The following ITPR2 variants were observed in gnomAD, a reference collection of about 807,000 sequenced individuals.
ITPR2 encodes inositol 1,4,5-trisphosphate-gated calcium channel ITPR2.
ITPR2 carries 207 observed loss-of-function variants against 317.1 expected under a neutral mutation model. The ratio of observed to expected loss-of-function variants is 0.65; its 90% CI spans 0.58 to 0.73. The LOEUF is 0.73. Among genes scored for constraint, ITPR2 ranks in the 30% least tolerant of loss-of-function variants. ITPR2 has a pLI of 0.00. For synonymous variants in ITPR2, 1,156 were observed against 1,149.1 expected (o/e 1.01, Z -0.12); for missense variants, 2,613 against 3,284.0 (o/e 0.80, Z 4.99).
At chr12:26,438,813 G>A (rs751641135) in intron 47 of ITPR2, among the ~76,000 whole-genome samples, 2 of 152,120 alleles carry the variant, frequency 1.3e-5, no homozygotes, top group Admixed American at 1.3e-4. Flanking sequence ...GCCCATTCAC[G>A]GACTTCAAAC....
At chr12:26,591,534 A>C (rs1945704503) in intron 32 of ITPR2, among the ~76,000 whole-genome samples, 1 of 152,158 alleles carries the variant, frequency 6.6e-6, no homozygotes, top group African/African-American at 2.4e-5. Context: ...GAGTTTCCTC[A>C]AAAAACTAAA....
chr12:26,788,709 C>T (rs1260991786), intron 2 of ITPR2, among the ~76,000 whole-genome samples: 10 of 152,186 alleles, frequency 6.6e-5, no homozygotes. Flanking sequence ...GGGACCTTCT[C>T]AGCCTGTCCT....
chr12:26,801,457 T>C (rs188194600), intron 1 of ITPR2, among the ~76,000 whole-genome samples: 2 of 152,324 alleles, frequency 1.3e-5, no homozygotes, highest in Admixed American at 1.3e-4. Flanking sequence ...AGATATGATA[T>C]GATTGGCATT....
chr12:26,590,621 C>G (rs1945674551), intron 32 of ITPR2, among the ~76,000 whole-genome samples: 1 of 152,122 alleles, frequency 6.6e-6, no homozygotes, highest in Non-Finnish European at 1.5e-5. Flanking sequence ...AAAATCAAAT[C>G]AAAATGGATT....
intron 11 of ITPR2, 63 bp downstream of exon 11, chr12:26,686,418 T>C: frequency 9.3e-7 from 1 of 1,078,736 alleles, no homozygotes; most frequent in Non-Finnish European, 1.3e-6. Flanking sequence ...TATTATTATT[T>C]TCATTCCTCA....
At position 26,599,403 on chromosome 12, in the gene ITPR2, G is replaced by A. The variant is rs1591947088; in HGVS notation, c.3802-58C>T. 1.3e-5 allele frequency: 19 copies of A among 1,443,086 alleles called. No homozygotes were observed. The East Asian group carries it at 3.9e-4, about 29-fold the overall frequency. 89.4% of individuals were successfully genotyped at this position (1,443,086 alleles called of 1,614,324 possible). Reference sequence around the variant, plus strand: ...GACAAGATCAATTTTCTATTCTACAGTACTTAGACTAATTGCCCTGCTTGT... The same window carrying A: ...GACAAGATCAATTTTCTATTCTACAATACTTAGACTAATTGCCCTGCTTGT... On this transcript the variant is annotated intron_variant, in intron 29 of 56. Transcript: ENST00000381340.
At chr12:26,722,335 A>C in intron 5 of ITPR2, 62 bp downstream of exon 5, 1 of 1,408,328 alleles carries the variant, frequency 7.1e-7, no homozygotes, top group Non-Finnish European at 9.7e-7. Context: ...GGATTATCTT[A>C]CTTATTAGGA....
At chr12:26,576,156 T>G (rs887992392) in intron 34 of ITPR2, among the ~76,000 whole-genome samples, 1 of 152,226 alleles carries the variant, frequency 6.6e-6, no homozygotes, top group Non-Finnish European at 1.5e-5. Flanking sequence ...GGTTAGTGTG[T>G]TTCCTAACCG....
At chr12:26,366,321 T>C (rs1368261921) in intron 55 of ITPR2, among the ~76,000 whole-genome samples, 2 of 152,268 alleles carry the variant, frequency 1.3e-5, no homozygotes, top group Non-Finnish European at 2.9e-5. Context: ...TTACAAAACC[T>C]TTGCCAACAA....
intron 9 of ITPR2, among the ~76,000 whole-genome samples, chr12:26,710,259 G>A (rs1409846379): frequency 1.3e-5 from 2 of 152,160 alleles, no homozygotes; most frequent in African/African-American, 4.8e-5. Flanking sequence ...CACTTACCCT[G>A]TGCTTACCAT....
At chr12:26,739,981 A>G (rs1405678336) in intron 2 of ITPR2, among the ~76,000 whole-genome samples, 3 of 152,226 alleles carry the variant, frequency 2.0e-5, no homozygotes, top group African/African-American at 4.8e-5. Flanking sequence ...GAAGAGGAAC[A>G]CTGGGTTGAC....
At chr12:26,643,317 G>T (rs1046200890) in intron 21 of ITPR2, among the ~76,000 whole-genome samples, 1 of 152,172 alleles carries the variant, frequency 6.6e-6, no homozygotes, top group Non-Finnish European at 1.5e-5. Flanking sequence ...ATTGTCTTAC[G>T]AAGAAGTGGG....
At chr12:26,766,476 T>C (rs1375123295) in intron 2 of ITPR2, among the ~76,000 whole-genome samples, 1 of 152,324 alleles carries the variant, frequency 6.6e-6, no homozygotes, top group South Asian at 2.1e-4. Flanking sequence ...GTTGTCTTTT[T>C]ATTATCGATT....
intron 34 of ITPR2, among the ~76,000 whole-genome samples, chr12:26,569,871 ACAGAGGGCAGCATCCGT>A (rs1400013783): frequency 6.6e-6 from 1 of 152,252 alleles, no homozygotes; most frequent in Non-Finnish European, 1.5e-5. Context: ...AACAATCTCT[ACAGAGGGCAGCATCCGT>A]CAGAAGTGAA....
intron 1 of ITPR2, among the ~76,000 whole-genome samples, chr12:26,832,422 G>C (rs1166991873): frequency 1.3e-5 from 2 of 152,268 alleles, no homozygotes; most frequent in African/African-American, 4.8e-5. Flanking sequence ...CGCCGGGCCC[G>C]TCTCCGGGCT....
intron 34 of ITPR2, among the ~76,000 whole-genome samples, chr12:26,570,708 T>C (rs1945136811): frequency 6.6e-6 from 1 of 152,226 alleles, no homozygotes; most frequent in Non-Finnish European, 1.5e-5. Context: ...TGGAACAAAA[T>C]TCTTTTTTAA....
At chr12:26,823,376 A>G (rs1950967261) in intron 1 of ITPR2, among the ~76,000 whole-genome samples, 1 of 152,214 alleles carries the variant, frequency 6.6e-6, no homozygotes, top group Non-Finnish European at 1.5e-5. Flanking sequence ...AAAGTGTCAA[A>G]TGCCTTGATG....
intron 41 of ITPR2, among the ~76,000 whole-genome samples, chr12:26,484,177 A>C (rs899072326): frequency 8.6e-5 from 13 of 151,126 alleles, no homozygotes; most frequent in Non-Finnish European, 1.9e-4. Flanking sequence ...ATATATGTGT[A>C]TATATATATC....
chr12:26,345,503 TTC>T (rs1938276871), intron 55 of ITPR2, among the ~76,000 whole-genome samples: 1 of 152,210 alleles, frequency 6.6e-6, no homozygotes, highest in South Asian at 2.1e-4. Context: ...TGGCTTCTGT[TTC>T]TCTCTCTCAA....
Sources: allele counts gnomAD v4.1 joint callset (sites outside exome capture counted in the v4.1 genomes callset), GRCh38; gene constraint gnomAD v4.1.1; transcripts MANE v1.5; gene names NCBI Gene and HGNC (gene_info 2026-07-23, HGNC 2026-07-21).